TTC27: variants seen among roughly 807,000 people sequenced by gnomAD.
TTC27 encodes the protein tetratricopeptide repeat protein 27.
Under a neutral mutation model 115.9 loss-of-function variants are expected in TTC27, and 79 were observed. The observed-to-expected ratio is 0.68, with a 90% CI of 0.57 to 0.82. The LOEUF is 0.82. Among genes scored for constraint, TTC27 ranks in the 40% least tolerant of loss-of-function variants. TTC27 has a pLI of 0.00. For synonymous variants in TTC27, 401 were observed against 356.0 expected (o/e 1.13, Z -1.42); for missense variants, 1,054 against 993.1 (o/e 1.06, Z -0.82).
chr2:32,811,563 A>G (rs1671317810), intron 17 of TTC27, among the ~76,000 whole-genome samples: 1 of 152,196 alleles, frequency 6.6e-6, no homozygotes, highest in South Asian at 2.1e-4. Context: ...TAAAGACTAC[A>G]GTAGATGGGT....
At chr2:32,753,647 A>G (rs1669097431) in intron 12 of TTC27, among the ~76,000 whole-genome samples, 1 of 151,936 alleles carries the variant, frequency 6.6e-6, no homozygotes, top group African/African-American at 2.4e-5. Context: ...GGGTTTCACT[A>G]TGGTGGCCAG....
At chr2:32,763,293 G>C (rs1051875361) in intron 13 of TTC27, among the ~76,000 whole-genome samples, 1 of 152,224 alleles carries the variant, frequency 6.6e-6, no homozygotes, top group Non-Finnish European at 1.5e-5. Flanking sequence ...AGTTTGAACT[G>C]TCTGGAGGGA....
chr2:32,648,859 A>G (rs561697305), intron 4 of TTC27, among the ~76,000 whole-genome samples: 4 of 151,926 alleles, frequency 2.6e-5, no homozygotes, highest in African/African-American at 4.8e-5. Context: ...AAAAAATACA[A>G]AAATTAGCTG....
At chr2:32,789,638 G>A (rs1467138124) in intron 16 of TTC27, among the ~76,000 whole-genome samples, 2 of 151,836 alleles carry the variant, frequency 1.3e-5, no homozygotes, top group African/African-American at 4.8e-5. Flanking sequence ...TCTTTCAGCC[G>A]GCTGGGTGCA....
chr2:32,803,204 A>G (rs1671014502), intron 16 of TTC27, among the ~76,000 whole-genome samples: 1 of 152,200 alleles, frequency 6.6e-6, no homozygotes, highest in South Asian at 2.1e-4. Context: ...TCCAATGCCC[A>G]TCTTCCTGAG....
At chr2:32,674,003 G>A (rs372514855) in intron 8 of TTC27, among the ~76,000 whole-genome samples, 1 of 151,964 alleles carries the variant, frequency 6.6e-6, no homozygotes, top group African/African-American at 2.4e-5. Flanking sequence ...CAAATTCTTT[G>A]AAAGGTAATT....
chr2:32,672,387 G>A lies in TTC27; in HGVS notation c.1052+3G>A. On this transcript the variant is annotated splice_donor_region_variant and intron_variant, in intron 8 of 19. Transcript: ENST00000317907. ...ATCGCTATTATTCTTGGAATCTGGTGAGTTAATGACTGACTTGGCTGCTTT... is the reference window on the plus strand; with the variant it reads ...ATCGCTATTATTCTTGGAATCTGGTAAGTTAATGACTGACTTGGCTGCTTT... The A allele has an allele frequency of 3.1e-6, 5 of 1,607,492 alleles. No individual in the cohort carries two copies. The highest frequency in any genetic ancestry group is 3.4e-6 in the Non-Finnish European group (4 of 1,174,258).
At chr2:32,813,304 CCTT>C (rs1332036419) in intron 18 of TTC27, among the ~76,000 whole-genome samples, 1 of 152,148 alleles carries the variant, frequency 6.6e-6, no homozygotes, top group Non-Finnish European at 1.5e-5. Context: ...CTAAAGTTCT[CCTT>C]CTACTTCCCT....
At chr2:32,773,834 GTT>G (rs1386982637) in intron 13 of TTC27, among the ~76,000 whole-genome samples, 1 of 152,196 alleles carries the variant, frequency 6.6e-6, no homozygotes, top group Admixed American at 6.5e-5. Flanking sequence ...AAAGGAGCTA[GTT>G]TTTTATTGGA....
intron 10 of TTC27, chr2:32,705,012 A>T: frequency 2.2e-6 from 1 of 447,442 alleles, no homozygotes; most frequent in Non-Finnish European, 4.7e-6. Flanking sequence ...TGGTTTGAGT[A>T]TTTGTTCCCT....
In TTC27 at chr2:32,640,841, G is replaced by A. The variant is rs367856495; in HGVS notation, c.537+431G>A. 6.6e-5 allele frequency among the ~76,000 whole-genome samples: 10 copies of A among 152,164 alleles called. No homozygotes were observed. In the East Asian group the frequency reaches 1.6e-3, roughly 24 times the overall value. On this transcript the variant is annotated intron_variant, in intron 4 of 19. Coordinates refer to ENST00000317907, the MANE Select transcript of TTC27 (RefSeq NM_017735.5). ...CTACTAAAAATACAAAATTAGCTGGGCGCAGTGGCGTGCACCTGTAATCCC... is the reference window on the plus strand; with the variant it reads ...CTACTAAAAATACAAAATTAGCTGGACGCAGTGGCGTGCACCTGTAATCCC...
chr2:32,795,820 C>T (rs1670685178), intron 16 of TTC27, among the ~76,000 whole-genome samples: 1 of 151,352 alleles, frequency 6.6e-6, no homozygotes, highest in Non-Finnish European at 1.5e-5. Flanking sequence ...CTTAGGTGAT[C>T]CACCCACCTT....
intron 8 of TTC27, among the ~76,000 whole-genome samples, chr2:32,673,169 C>A (rs921176590): frequency 6.7e-6 from 1 of 149,758 alleles, no homozygotes; most frequent in Non-Finnish European, 1.5e-5. Context: ...TTTAGACTTT[C>A]CTTCAATTTG....
At chr2:32,718,969 G>A (rs1667837322) in intron 10 of TTC27, among the ~76,000 whole-genome samples, 2 of 152,192 alleles carry the variant, frequency 1.3e-5, no homozygotes, top group Admixed American at 6.5e-5. Context: ...TATCTCCTAA[G>A]TGGTGCAAGA....
intron 2 of TTC27, among the ~76,000 whole-genome samples, chr2:32,631,599 G>T (rs1332258995): frequency 6.6e-6 from 1 of 152,076 alleles, no homozygotes; most frequent in African/African-American, 2.4e-5. Context: ...TGGCAACCAT[G>T]TCAAGCTTTA....
At position 32,764,642 on chromosome 2, in the gene TTC27, G is replaced by C. The variant is rs570048200; in HGVS notation, c.1680+6123G>C. Among the ~76,000 whole-genome samples, 5 of 152,280 alleles carry C rather than the reference G, an allele frequency of 3.3e-5. No individual in the cohort carries two copies. The East Asian group carries it at 9.6e-4, about 29-fold the overall frequency. On this transcript the variant is annotated intron_variant, in intron 13 of 19. Coordinates refer to ENST00000317907, the MANE Select transcript of TTC27 (RefSeq NM_017735.5). ...TAGATGGACTCTTCCTTTCATGCCA[G>C]ATTTCTCTGTAGCATACAATGGTGT...
chr2:32,778,998 T>G lies in TTC27; in HGVS notation c.1779+1018T>G, dbSNP rs535893846. On this transcript the variant is annotated intron_variant, in intron 14 of 19. Transcript: ENST00000317907. Reference sequence around the variant, plus strand: ...CAACACTTTGGGAGGCCAAGGCCGGTGGATCACTTGTGGCCAGGAGTTCAA... The same window carrying G: ...CAACACTTTGGGAGGCCAAGGCCGGGGGATCACTTGTGGCCAGGAGTTCAA... Among the ~76,000 whole-genome samples, 6 of 152,278 alleles carry G rather than the reference T, an allele frequency of 3.9e-5. No homozygotes were observed. The South Asian group carries it at 1.2e-3, about 32-fold the overall frequency.
chr2:32,777,005 A>G (rs949171753), intron 13 of TTC27, among the ~76,000 whole-genome samples: 3 of 152,124 alleles, frequency 2.0e-5, no homozygotes, highest in Non-Finnish European at 4.4e-5. Context: ...CTGAATAGCT[A>G]CTTCCTATTT....
chr2:32,679,085 G>T (rs979439069), intron 9 of TTC27, among the ~76,000 whole-genome samples, 163 bp downstream of exon 9: 46 of 152,154 alleles, frequency 3.0e-4, no homozygotes, highest in African/African-American at 1.1e-3. Flanking sequence ...GTATCTTGCT[G>T]CTGATTTAAG....
Sources: allele counts gnomAD v4.1 joint callset (sites outside exome capture counted in the v4.1 genomes callset), GRCh38; gene constraint gnomAD v4.1.1; transcripts MANE v1.5; gene names NCBI Gene and HGNC (gene_info 2026-07-23, HGNC 2026-07-21).